GRAMD1B: variants seen among roughly 807,000 people sequenced by gnomAD.
The protein encoded by GRAMD1B is protein Aster-B.
A neutral mutation model predicts 99.7 loss-of-function variants in GRAMD1B; 37 were observed. That is an observed-to-expected ratio of 0.37 (90% CI 0.29 to 0.49). GRAMD1B has a LOEUF of 0.49. Ranked by LOEUF, GRAMD1B falls within the 20% of genes least tolerant of loss-of-function variation. GRAMD1B has a pLI of 0.98. For missense variants in GRAMD1B, 888 were observed against 1,009.2 expected (o/e 0.88, Z 1.63); for synonymous variants, 427 against 387.6 (o/e 1.10, Z -1.19).
At chr11:123,382,747 G>C (rs545869592) in intron 1 of GRAMD1B, among the ~76,000 whole-genome samples, 2 of 152,326 alleles carry the variant, frequency 1.3e-5, no homozygotes, top group Admixed American at 6.5e-5. Flanking sequence ...CTCTTTAAAG[G>C]TGTGGGTAAA....
At chr11:123,606,404 G>A (rs984094760) in intron 10 of GRAMD1B, among the ~76,000 whole-genome samples, 4 of 152,246 alleles carry the variant, frequency 2.6e-5, no homozygotes, top group Non-Finnish European at 5.9e-5. Flanking sequence ...AATGGCGAGC[G>A]TGAGAAGTGC....
chr11:123,554,499 G>A (rs1325429049), intron 2 of GRAMD1B, among the ~76,000 whole-genome samples: 1 of 146,732 alleles, frequency 6.8e-6, no homozygotes, highest in Non-Finnish European at 1.5e-5. Flanking sequence ...GAGCAGCCTG[G>A]GCAACATAGG....
chr11:123,527,563 AC>A (rs1340713263), intron 2 of GRAMD1B, among the ~76,000 whole-genome samples: 1 of 149,282 alleles, frequency 6.7e-6, no homozygotes, highest in Non-Finnish European at 1.5e-5. Flanking sequence ...GGGGTCTGGT[AC>A]CCCATTCTTT....
intron 2 of GRAMD1B, among the ~76,000 whole-genome samples, chr11:123,516,746 C>T (rs547983363): frequency 8.5e-5 from 13 of 152,294 alleles, no homozygotes; most frequent in South Asian, 6.2e-4. Flanking sequence ...ATTAGATAAG[C>T]GTCTCTTAGA....
chr11:123,440,253 G>A (rs1407820983), intron 1 of GRAMD1B, among the ~76,000 whole-genome samples: 2 of 152,230 alleles, frequency 1.3e-5, no homozygotes, highest in Admixed American at 6.5e-5. Context: ...GCTCACGCCT[G>A]TAATCCTAGC....
Position 123,623,710 on chromosome 11 carries a change from C to G in GRAMD1B, c.*1115C>G, listed in dbSNP as rs992516768. On this transcript the variant is annotated 3_prime_UTR_variant, in exon 20 of 20. Coordinates refer to ENST00000635736, the MANE Select transcript of GRAMD1B (RefSeq NM_001387025.1). ...AACATTAGCCAGTGGAGACGACTGT[C>G]TGAGACAGTTTGCACATAGAAAAAG... 2.0e-5 allele frequency: 3 copies of G among 152,206 alleles called. No homozygotes were observed. Among genetic ancestry groups the G allele is most frequent in the African/African-American group, 7.2e-5 (3 of 41,444 alleles). 9.4% of individuals were successfully genotyped at this position (152,206 alleles called of 1,614,324 possible).
At chr11:123,561,765 A>G (rs1213867152) in intron 2 of GRAMD1B, among the ~76,000 whole-genome samples, 1 of 152,240 alleles carries the variant, frequency 6.6e-6, no homozygotes, top group African/African-American at 2.4e-5. Flanking sequence ...AATGGTGGTC[A>G]TATTTCTAGC....
At chr11:123,426,172 T>C (rs1201652543), upstream of GRAMD1B, among the ~76,000 whole-genome samples, 3 of 152,208 alleles carry the variant, frequency 2.0e-5, no homozygotes, top group African/African-American at 7.2e-5. Context: ...AGAAACAATC[T>C]GGGTCTTAGA....
At chr11:123,440,799 T>A (rs1282951100) in intron 1 of GRAMD1B, among the ~76,000 whole-genome samples, 2 of 152,168 alleles carry the variant, frequency 1.3e-5, no homozygotes, top group African/African-American at 4.8e-5. Flanking sequence ...GGGGTTGATA[T>A]GGCTTGGCTG....
intron 1 of GRAMD1B, among the ~76,000 whole-genome samples, chr11:123,382,919 C>T (rs1053913484): frequency 4.6e-5 from 7 of 152,150 alleles, no homozygotes; most frequent in Non-Finnish European, 8.8e-5. Context: ...TCTCCTCTTG[C>T]CCTCCTGTAT....
rs1235050951 is a variant in GRAMD1B at position 123,480,825 on chromosome 11, G to A, written c.384G>A (p.Gln128=). The A allele has an allele frequency of 2.5e-5, 10 of 398,886 alleles. No homozygotes were observed. In the East Asian group the frequency reaches 3.6e-4, roughly 14 times the overall value. The allele number at this position is 398,886 out of a possible 1,614,324, so 24.7% of individuals were successfully genotyped here. Residue 128 remains glutamine (Q), a synonymous_variant, in exon 2 of 20, where the codon CAG becomes CAA. Transcript: ENST00000635736. ...CTATGTCTTTCCTCAGCAGCCAACA[G>A]AGCAGTCAGCAGAGCAGCCACGATG... ...RKECSESSSQ[Q]SSQQSSHDDD... is the part of the protein sequence containing the mutation.
rs755038860 is a variant in GRAMD1B, at chr11:123,570,421, C to CT, written c.453-6926dup. Among the ~76,000 whole-genome samples, 781 of 130,592 alleles carry CT rather than the reference C, an allele frequency of 6.0e-3. 4 individuals carry two copies. Among genetic ancestry groups the CT allele is most frequent in the African/African-American group, 0.011 (393 of 34,378 alleles). The allele number at this position is 130,592 out of a possible 152,430, so 85.7% of individuals were successfully genotyped here. On this transcript the variant is annotated intron_variant, in intron 2 of 19. Transcript: ENST00000635736. ...CAAGAGTCTTTATTTTTTTTCTTTTCTTTTTTTTTTTTTTTTTTTTGAGAT... is the reference window on the plus strand; with the variant it reads ...CAAGAGTCTTTATTTTTTTTCTTTTCTTTTTTTTTTTTTTTTTTTTTGAGAT...
intron 3 of GRAMD1B, among the ~76,000 whole-genome samples, 166 bp downstream of exon 3, chr11:123,577,743 A>G (rs1798300567): frequency 6.7e-6 from 1 of 149,508 alleles, no homozygotes. Context: ...GGCAGGAGAG[A>G]CCCTAGTTAA....
At chr11:123,452,473 C>A (rs1949931441) in intron 1 of GRAMD1B, among the ~76,000 whole-genome samples, 1 of 152,070 alleles carries the variant, frequency 6.6e-6, no homozygotes, top group Non-Finnish European at 1.5e-5. Flanking sequence ...TGGTGAAACC[C>A]TGTCTCTACT....
chr11:123,583,104 A>G (rs372010829), intron 3 of GRAMD1B, among the ~76,000 whole-genome samples: 1 of 151,412 alleles, frequency 6.6e-6, no homozygotes, highest in Non-Finnish European at 1.5e-5. Context: ...CTGTGTGTAT[A>G]TGTGTGTGTA....
intron 1 of GRAMD1B, among the ~76,000 whole-genome samples, chr11:123,417,573 G>A (rs4935838): frequency 0.097 from 14,699 of 152,212 alleles, 944 homozygotes; most frequent in Middle Eastern, 0.2. Flanking sequence ...CAGCATTGAT[G>A]TTTACAAATT....
At chr11:123,598,293 T>A in intron 7 of GRAMD1B, 1 of 1,297,696 alleles carries the variant, frequency 7.7e-7, no homozygotes, top group East Asian at 2.3e-5. Context: ...GTTTGCCAAG[T>A]GGCCAAGTGG....
intron 1 of GRAMD1B, among the ~76,000 whole-genome samples, chr11:123,405,405 G>A (rs1010578861): frequency 2.6e-5 from 4 of 152,144 alleles, no homozygotes; most frequent in Non-Finnish European, 2.9e-5. Flanking sequence ...GGAGAGTGAC[G>A]GCAGTGGAGA....
intron 1 of GRAMD1B, among the ~76,000 whole-genome samples, chr11:123,464,772 T>C (rs1950587224): frequency 6.6e-6 from 1 of 152,138 alleles, no homozygotes; most frequent in Admixed American, 6.5e-5. Flanking sequence ...ATAAAAGATG[T>C]TTCAAAGGTG....
Sources: gnomAD v4.1 joint callset for allele counts (sites outside exome capture counted in the v4.1 genomes callset) on GRCh38, gnomAD v4.1.1 for gene constraint, MANE v1.5 for transcripts, NCBI Gene and HGNC (gene_info 2026-07-23, HGNC 2026-07-21) for gene names.